The following SLC20A2 variants were observed in gnomAD, a reference collection of about 807,000 sequenced individuals.
SLC20A2 encodes solute carrier family 20 member 2.
A neutral mutation model predicts 61.0 loss-of-function variants in SLC20A2; 30 were observed. That is an observed-to-expected ratio of 0.49 (90% CI 0.37 to 0.67). The LOEUF (loss-of-function observed/expected upper bound fraction) is 0.67. Among genes scored for constraint, SLC20A2 ranks in the 30% least tolerant of loss-of-function variants. The pLI, the probability that SLC20A2 is intolerant of heterozygous loss-of-function variation, is 0.00. For synonymous variants in SLC20A2, 351 were observed against 353.3 expected, an observed-to-expected ratio of 0.99 and a Z score of 0.07; for missense variants, 626 against 866.4, an observed-to-expected ratio of 0.72 and a Z score of 3.48.
chr8:42,464,270 G>T, intron 3 of SLC20A2, among the ~76,000 whole-genome samples: 1 of 147,598 alleles, frequency 6.8e-6, no homozygotes, highest in Non-Finnish European at 1.5e-5. Context: ...ATCACACCAG[G>T]CTAATTTTCT....
At chr8:42,531,453 T>C (rs937307443) in intron 1 of SLC20A2, among the ~76,000 whole-genome samples, 1 of 152,144 alleles carries the variant, frequency 6.6e-6, no homozygotes, top group African/African-American at 2.4e-5. Context: ...GGTTTTTAAG[T>C]TGAAAAACTG....
intron 5 of SLC20A2, among the ~76,000 whole-genome samples, chr8:42,454,828 C>T (rs1806015811): frequency 1.3e-5 from 2 of 152,068 alleles, no homozygotes; most frequent in South Asian, 4.1e-4. Context: ...CCTCAGCCTT[C>T]TTAAGTGCTG....
chr8:42,473,693 T>C (rs1206408428), intron 1 of SLC20A2, among the ~76,000 whole-genome samples: 1 of 152,192 alleles, frequency 6.6e-6, no homozygotes, highest in Non-Finnish European at 1.5e-5. Flanking sequence ...TATTCTATTA[T>C]TGGAGAGCCA....
Position 42,441,396 on chromosome 8 carries a change from C to T in SLC20A2, c.731-1743G>A, listed in dbSNP as rs1804771642. Among the ~76,000 whole-genome samples, 3 of 151,764 alleles carry T rather than the reference C, an allele frequency of 2.0e-5. 1 individual carries two copies. Among genetic ancestry groups the T allele is most frequent in the Admixed American group, 2.0e-4 (3 of 15,212 alleles). On this transcript the variant is annotated intron_variant, in intron 6 of 10. Coordinates refer to ENST00000520262, the MANE Select transcript of SLC20A2 (RefSeq NM_001257180.2). ...CTCGAAATCCTGACCTCATGATCCGCCCACCTCGGCCTCCCAAAGTGCTGG... is the reference window on the plus strand; with the variant it reads ...CTCGAAATCCTGACCTCATGATCCGTCCACCTCGGCCTCCCAAAGTGCTGG...
intron 1 of SLC20A2, among the ~76,000 whole-genome samples, chr8:42,491,594 G>T (rs113935421): frequency 6.6e-6 from 1 of 151,396 alleles, no homozygotes; most frequent in Non-Finnish European, 1.5e-5. Flanking sequence ...TCGCTTGAAC[G>T]TGGAAGGCAG....
intron 1 of SLC20A2, among the ~76,000 whole-genome samples, chr8:42,539,582 T>C (rs1812930047): frequency 6.6e-6 from 1 of 152,236 alleles, no homozygotes; most frequent in Non-Finnish European, 1.5e-5. Context: ...AAAACTGTGC[T>C]AGACTCATCA....
At position 42,522,449 on chromosome 8, in the gene SLC20A2, G is replaced by A. The variant is rs1811647518; in HGVS notation, c.-265+19372C>T. 3.3e-5 allele frequency among the ~76,000 whole-genome samples: 4 copies of A among 121,410 alleles called. 2 individuals carry two copies. The highest frequency in any genetic ancestry group is 7.9e-5 in the Non-Finnish European group (4 of 50,410). The allele number at this position is 121,410 out of a possible 152,430, so 79.6% of individuals were successfully genotyped here. A position where few individuals can be genotyped will look rare whatever the true frequency, so the allele number is the denominator to read the frequency against. ...TAATCCTACCACTTTGGGGGGCCGA[G>A]GCGGGTGGATCACCTTAGGTCAGGA... On this transcript the variant is annotated intron_variant, in intron 1 of 10. Transcript: ENST00000342228.
At chr8:42,521,362 A>G (rs1811615977) in intron 1 of SLC20A2, among the ~76,000 whole-genome samples, 1 of 121,386 alleles carries the variant, frequency 8.2e-6, no homozygotes, top group African/African-American at 2.5e-5. Flanking sequence ...CAATCTCAAA[A>G]GGTTACAGAT....
intron 1 of SLC20A2, among the ~76,000 whole-genome samples, chr8:42,511,194 G>A (rs1811011636): frequency 6.6e-6 from 1 of 152,190 alleles, no homozygotes; most frequent in Non-Finnish European, 1.5e-5. Context: ...GCACTTGAAG[G>A]GCAGATGCCC....
intron 4 of SLC20A2, among the ~76,000 whole-genome samples, chr8:42,461,306 G>A (rs1019848065): frequency 6.6e-6 from 1 of 152,170 alleles, no homozygotes; most frequent in Admixed American, 6.5e-5. Flanking sequence ...AAAATGCTGG[G>A]AGGCTCAATG....
At chr8:42,430,016 G>A in intron 9 of SLC20A2, 48 bp downstream of exon 9, 2 of 1,518,448 alleles carry the variant, frequency 1.3e-6, no homozygotes, top group Non-Finnish European at 8.9e-7. Context: ...CTCTACCCAG[G>A]CCTCGGATGA....
intron 1 of SLC20A2, among the ~76,000 whole-genome samples, chr8:42,475,699 C>G (rs1274495606): frequency 6.6e-6 from 1 of 152,002 alleles, no homozygotes; most frequent in Non-Finnish European, 1.5e-5. Flanking sequence ...GCGTGAGCCA[C>G]CACACCAGGG....
chr8:42,502,010 T>C (rs184762793), upstream of SLC20A2, among the ~76,000 whole-genome samples: 374 of 152,360 alleles, frequency 2.5e-3, 1 homozygote, highest in Non-Finnish European at 4.2e-3. Flanking sequence ...AACCGCTTAG[T>C]ATCTACTCAA....
At chr8:42,460,742 A>G (rs1806632626) in intron 4 of SLC20A2, among the ~76,000 whole-genome samples, 1 of 152,152 alleles carries the variant, frequency 6.6e-6, no homozygotes, top group South Asian at 2.1e-4. Context: ...AGAGAATATG[A>G]GGCATTTAGA....
chr8:42,521,591 G>A lies in SLC20A2; in HGVS notation c.-265+20230C>T, dbSNP rs944887498. 1.2e-4 allele frequency among the ~76,000 whole-genome samples: 14 copies of A among 120,538 alleles called. 4 individuals carry two copies. Among genetic ancestry groups the A allele is most frequent in the Non-Finnish European group, 2.4e-4 (12 of 50,208 alleles). The allele number at this position is 120,538 out of a possible 152,430, so 79.1% of individuals were successfully genotyped here. A position where few individuals can be genotyped will look rare whatever the true frequency, so the allele number is the denominator to read the frequency against. On this transcript the variant is annotated intron_variant, in intron 1 of 10. Transcript: ENST00000342228. ...TGCAGCCTCAACCTCCTGGGCTCAA[G>A]TGATGCTCCCACCTCAGCCTCCTGA... is the stretch of plus-strand genomic sequence containing the variant.
chr8:42,423,333 CTT>C (rs58667229), intron 10 of SLC20A2, among the ~76,000 whole-genome samples: 6,694 of 146,142 alleles, frequency 0.046, 443 homozygotes, highest in African/African-American at 0.15. Flanking sequence ...TATCTTTAAA[CTT>C]TTTTTTTTTT....
chr8:42,462,040 G>A (rs1173287333), intron 4 of SLC20A2, among the ~76,000 whole-genome samples: 1 of 152,186 alleles, frequency 6.6e-6, no homozygotes, highest in Admixed American at 6.6e-5. Flanking sequence ...AAGGTGGACT[G>A]TGGCCGGAGC....
At chr8:42,452,393 TGGA>T (rs770940812) in intron 5 of SLC20A2, among the ~76,000 whole-genome samples, 59 of 101,038 alleles carry the variant, frequency 5.8e-4, no homozygotes, top group Middle Eastern at 0.014. Context: ...GAGGAAGAGA[TGGA>T]GGAGGAGGAG....
chr8:42,426,800 A>T (rs1803447415), intron 10 of SLC20A2, among the ~76,000 whole-genome samples: 1 of 152,258 alleles, frequency 6.6e-6, no homozygotes, highest in South Asian at 2.1e-4. Context: ...ATCATTAAAA[A>T]GATGGCATTA....
Sources: allele counts gnomAD v4.1 joint callset (sites outside exome capture counted in the v4.1 genomes callset), GRCh38; gene constraint gnomAD v4.1.1; transcripts MANE v1.5; gene names NCBI Gene and HGNC (gene_info 2026-07-23, HGNC 2026-07-21).